DPP6: variants seen among roughly 807,000 people sequenced by gnomAD.
DPP6 encodes the protein A-type potassium channel modulatory protein DPP6.
In DPP6, 69 loss-of-function variants were observed where a neutral mutation model predicts 122.6. The observed-to-expected ratio is 0.56, with a 90% confidence interval of 0.46 to 0.69. The LOEUF (loss-of-function observed/expected upper bound fraction) is 0.69. Among genes scored for constraint, DPP6 ranks in the 30% least tolerant of loss-of-function variants. The probability of loss-of-function intolerance (pLI) is 0.00; values close to 1 mark genes in which losing one functional copy is unlikely to be tolerated. For synonymous variants in DPP6, 418 were observed against 433.1 expected, an observed-to-expected ratio of 0.97 and a Z score of 0.43; for missense variants, 928 against 1,116.9, an observed-to-expected ratio of 0.83 and a Z score of 2.41.
At chr7:154,290,052 TTTA>T (rs776669255) in intron 1 of DPP6, among the ~76,000 whole-genome samples, 5 of 152,278 alleles carry the variant, frequency 3.3e-5, no homozygotes, top group East Asian at 1.9e-4. Flanking sequence ...TACGAAATCA[TTTA>T]TTATTAAGTT....
intron 6 of DPP6, among the ~76,000 whole-genome samples, chr7:154,653,382 T>C (rs1276985664): frequency 6.6e-6 from 1 of 152,134 alleles, no homozygotes; most frequent in African/African-American, 2.4e-5. Flanking sequence ...GATTGATTGA[T>C]AAATGATAGA....
At chr7:154,307,554 G>T (rs569054044) in intron 1 of DPP6, among the ~76,000 whole-genome samples, 4 of 152,246 alleles carry the variant, frequency 2.6e-5, no homozygotes, top group South Asian at 2.1e-4. Flanking sequence ...GGGACAGGGG[G>T]TGAAGACCCC....
At chr7:153,849,895 A>G in the DPP6 span, among the ~76,000 whole-genome samples, 1 of 152,186 alleles carries the variant, frequency 6.6e-6, no homozygotes, top group African/African-American at 2.4e-5. Context: ...ATTGAGTTAA[A>G]AAATCAATTA....
At chr7:154,357,845 G>A (rs1013780959) in intron 1 of DPP6, among the ~76,000 whole-genome samples, 2 of 152,018 alleles carry the variant, frequency 1.3e-5, no homozygotes, top group African/African-American at 4.8e-5. Flanking sequence ...GGGAGGCTGA[G>A]GCAGGAGAAT....
chr7:154,179,594 A>G (rs1339710978), intron 1 of DPP6, among the ~76,000 whole-genome samples: 2 of 152,202 alleles, frequency 1.3e-5, no homozygotes, highest in African/African-American at 4.8e-5. Flanking sequence ...GCTGATACCA[A>G]TAATGGCTGT....
intron 1 of DPP6, among the ~76,000 whole-genome samples, chr7:154,064,321 C>A (rs1236374054): frequency 6.6e-6 from 1 of 152,170 alleles, no homozygotes; most frequent in African/African-American, 2.4e-5. Flanking sequence ...TCCAGCAGGA[C>A]CTTTTGCACA....
chr7:153,772,871 C>A, the DPP6 span, among the ~76,000 whole-genome samples: 64 of 143,336 alleles, frequency 4.5e-4, no homozygotes, highest in African/African-American at 1.5e-3. Flanking sequence ...TTTCTTGTTT[C>A]TTTTATATTA....
intron 1 of DPP6, among the ~76,000 whole-genome samples, chr7:154,197,500 A>G (rs1343749868): frequency 6.6e-6 from 1 of 152,190 alleles, no homozygotes; most frequent in Non-Finnish European, 1.5e-5. Flanking sequence ...ACACCCGGTC[A>G]TCAGAGAGTG....
intron 1 of DPP6, among the ~76,000 whole-genome samples, chr7:154,346,342 T>A (rs1478798415): frequency 6.6e-6 from 1 of 152,042 alleles, no homozygotes; most frequent in Non-Finnish European, 1.5e-5. Flanking sequence ...TTGCTCTGTC[T>A]CCCAGGCTGG....
At position 154,608,458 on chromosome 7, in the gene DPP6, G is replaced by T. The variant is rs1038983354; in HGVS notation, c.628-29363G>T. Among the ~76,000 whole-genome samples, 3 of 150,322 alleles carry T rather than the reference G, an allele frequency of 2.0e-5. No individual in the cohort carries two copies. The Admixed American group carries it at 2.0e-4, about 10-fold the overall frequency. On this transcript the variant is annotated intron_variant, in intron 5 of 25. Transcript: ENST00000377770. ...TTCTCCTGCCTCAGCCTCTTGAGTA[G>T]CTGGGACTACAGGAGCGTGCCACTA... is the stretch of plus-strand genomic sequence containing the variant.
intron 7 of DPP6, among the ~76,000 whole-genome samples, chr7:154,717,861 C>A (rs1323156631): frequency 6.6e-6 from 1 of 152,182 alleles, no homozygotes; most frequent in African/African-American, 2.4e-5. Flanking sequence ...ATTTACATTT[C>A]CACCAACAGT....
intron 5 of DPP6, among the ~76,000 whole-genome samples, chr7:154,614,728 A>G (rs1834122845): frequency 6.6e-6 from 1 of 151,740 alleles, no homozygotes; most frequent in African/African-American, 2.4e-5. Context: ...CTGAGATATT[A>G]GCATTAACCA....
intron 1 of DPP6, among the ~76,000 whole-genome samples, chr7:154,445,364 A>G (rs1001566689): frequency 1.3e-5 from 2 of 152,208 alleles, no homozygotes; most frequent in Non-Finnish European, 2.9e-5. Context: ...AAGCATTCAT[A>G]TGATCCTTTT....
At chr7:154,834,662 C>T (rs1428741644) in intron 16 of DPP6, among the ~76,000 whole-genome samples, 4 of 152,204 alleles carry the variant, frequency 2.6e-5, no homozygotes, top group South Asian at 2.1e-4. Context: ...TGAGCAGAAG[C>T]GCTAAAGCGT....
At chr7:153,767,764 T>C in the DPP6 span, among the ~76,000 whole-genome samples, 38 of 152,222 alleles carry the variant, frequency 2.5e-4, no homozygotes, top group Non-Finnish European at 4.1e-4. Context: ...ATAGCTCAAA[T>C]GCCACACATT....
intron 1 of DPP6, among the ~76,000 whole-genome samples, chr7:154,231,416 A>G (rs1243153989): frequency 1.3e-5 from 2 of 152,196 alleles, no homozygotes; most frequent in Non-Finnish European, 2.9e-5. Flanking sequence ...CTCCCTAGGA[A>G]TACGAGTACT....
intron 1 of DPP6, among the ~76,000 whole-genome samples, chr7:154,226,684 C>A (rs1800623119): frequency 6.6e-6 from 1 of 152,206 alleles, no homozygotes; most frequent in African/African-American, 2.4e-5. Context: ...GTAGGCTCTG[C>A]TGTCAAAAAT....
At chr7:154,468,691 G>A (rs1454536560) in intron 2 of DPP6, among the ~76,000 whole-genome samples, 1 of 152,164 alleles carries the variant, frequency 6.6e-6, no homozygotes, top group Non-Finnish European at 1.5e-5. Flanking sequence ...TGATTTAGAA[G>A]CTTAAAATAA....
the DPP6 span, among the ~76,000 whole-genome samples, chr7:153,866,691 T>C: frequency 1.3e-5 from 2 of 152,230 alleles, no homozygotes; most frequent in Non-Finnish European, 2.9e-5. Context: ...TTGTTGCCAT[T>C]GCTTTTGGTG....
Sources: allele counts gnomAD v4.1 joint callset (sites outside exome capture counted in the v4.1 genomes callset), GRCh38; gene constraint gnomAD v4.1.1; transcripts MANE v1.5; gene names NCBI Gene and HGNC (gene_info 2026-07-23, HGNC 2026-07-21).